AIG1: variants seen among roughly 807,000 people sequenced by gnomAD.
The protein encoded by AIG1 is androgen-induced gene 1 protein.
AIG1 carries 23 observed loss-of-function variants against 31.4 expected under a neutral mutation model. The observed-to-expected ratio is 0.73, with a 90% CI of 0.53 to 1.04. The LOEUF (loss-of-function observed/expected upper bound fraction) is 1.04, where lower values mean the gene tolerates loss of function less well. Among genes scored for constraint, AIG1 ranks in the 50% least tolerant of loss-of-function variants. AIG1 has a pLI of 0.00. For synonymous variants in AIG1, 100 were observed against 110.5 expected (o/e 0.90, Z 0.60); for missense variants, 274 against 295.0 (o/e 0.93, Z 0.52).
chr6:143,200,144 CAAGAT>C (rs963380325), intron 3 of AIG1, among the ~76,000 whole-genome samples: 3 of 152,076 alleles, frequency 2.0e-5, no homozygotes, highest in Non-Finnish European at 4.4e-5. Flanking sequence ...TGGTGCATCT[CAAGAT>C]GAGATGTTCA....
chr6:143,080,272 T>A (rs910751618), intron 1 of AIG1, among the ~76,000 whole-genome samples: 3 of 152,136 alleles, frequency 2.0e-5, no homozygotes, highest in Non-Finnish European at 4.4e-5. Flanking sequence ...GTCATCAACA[T>A]TGGAGCATGG....
intron 2 of AIG1, among the ~76,000 whole-genome samples, chr6:143,155,527 GC>G (rs1785659875): frequency 6.6e-6 from 1 of 152,076 alleles, no homozygotes; most frequent in African/African-American, 2.4e-5. Context: ...GGAACTGGCC[GC>G]CGTGCAGGAA....
intron 3 of AIG1, among the ~76,000 whole-genome samples, chr6:143,183,827 G>C (rs1048739919): frequency 1.3e-5 from 2 of 152,052 alleles, no homozygotes; most frequent in African/African-American, 4.8e-5. Flanking sequence ...TTTAGGGGAG[G>C]GGGTGGTGGA....
intron 4 of AIG1, among the ~76,000 whole-genome samples, chr6:143,304,245 A>G (rs1799072004): frequency 6.6e-6 from 1 of 151,356 alleles, no homozygotes; most frequent in Non-Finnish European, 1.5e-5. Flanking sequence ...TGCCCTGGCC[A>G]GAACTTCCAA....
At chr6:143,085,386 G>A (rs1011919965) in intron 1 of AIG1, among the ~76,000 whole-genome samples, 1 of 152,054 alleles carries the variant, frequency 6.6e-6, no homozygotes, top group Non-Finnish European at 1.5e-5. Flanking sequence ...GATTCGTTAC[G>A]CTCACCGATG....
At chr6:143,130,392 C>T (rs1271396720) in intron 1 of AIG1, among the ~76,000 whole-genome samples, 1 of 152,014 alleles carries the variant, frequency 6.6e-6, no homozygotes, top group African/African-American at 2.4e-5. Flanking sequence ...CTACTGTATG[C>T]TTAGCTTGCT....
At position 143,182,630 on chromosome 6, in the gene AIG1, CATCCTTG is replaced by C. The variant is rs557579181; in HGVS notation, c.399+17450_399+17456del. On this transcript the variant is annotated intron_variant, in intron 3 of 5. Transcript: ENST00000357847. Reference sequence around the variant, plus strand: ...TGCTCCCCCTTCCCATGGCACTAATCATCCTTGATATATAATGTGGTTTTGCTTATAT... The same window carrying C: ...TGCTCCCCCTTCCCATGGCACTAATCATATATAATGTGGTTTTGCTTATAT... 6.0e-3 allele frequency among the ~76,000 whole-genome samples: 915 copies of C among 152,266 alleles called. 9 individuals carry two copies. The highest frequency in any genetic ancestry group is 0.021 in the African/African-American group (875 of 41,546).
At chr6:143,237,467 A>G (rs948237777) in intron 3 of AIG1, among the ~76,000 whole-genome samples, 4 of 152,252 alleles carry the variant, frequency 2.6e-5, no homozygotes, top group African/African-American at 9.6e-5. Flanking sequence ...TATGAAGTCA[A>G]GAAAGATACC....
intron 1 of AIG1, among the ~76,000 whole-genome samples, chr6:143,071,671 A>G (rs7745701): frequency 0.24 from 35,857 of 150,848 alleles, 6,656 homozygotes; most frequent in African/African-American, 0.52. Flanking sequence ...TGGTGGTGGT[A>G]GTGGTGGTTC....
rs1229508602 is a variant in AIG1, at chr6:143,338,002, G to A, written c.680-1637G>A. 2 of 398,540 alleles carry A rather than the reference G, an allele frequency of 5.0e-6. No homozygotes were observed. Among genetic ancestry groups the A allele is most frequent in the Admixed American group, 4.4e-5 (1 of 22,712 alleles). The allele number at this position is 398,540 out of a possible 1,614,324, so 24.7% of individuals were successfully genotyped here. A position where few individuals can be genotyped will look rare whatever the true frequency, so the allele number is the denominator to read the frequency against. On this transcript the variant is annotated intron_variant, in intron 5 of 5. Coordinates refer to ENST00000357847, the MANE Select transcript of AIG1 (RefSeq NM_016108.4). This position sits in a 1 kb window ranked among gnomAD's most constrained non-coding sequence, Gnocchi z 4.3. ...GCTGCCAAACTAAAGTAGGTGGGAA[G>A]CCATTTTCCCTCTCTAGGTCAATGA...
At chr6:143,233,385 G>C (rs911050564) in intron 3 of AIG1, among the ~76,000 whole-genome samples, 1 of 151,986 alleles carries the variant, frequency 6.6e-6, no homozygotes, top group African/African-American at 2.4e-5. Flanking sequence ...GGAAATATTT[G>C]GTGGTTTGAC....
At chr6:143,212,342 A>G (rs1284231615) in intron 3 of AIG1, among the ~76,000 whole-genome samples, 1 of 152,208 alleles carries the variant, frequency 6.6e-6, no homozygotes, top group Non-Finnish European at 1.5e-5. Context: ...AGCTCAGCAG[A>G]TAGCATTTTC....
At chr6:143,091,850 T>A (rs1779334972) in intron 1 of AIG1, among the ~76,000 whole-genome samples, 1 of 152,210 alleles carries the variant, frequency 6.6e-6, no homozygotes, top group Non-Finnish European at 1.5e-5. Context: ...AAATGTACTA[T>A]TGCTTCTCTT....
At chr6:143,150,894 T>C (rs902202952) in intron 2 of AIG1, among the ~76,000 whole-genome samples, 6 of 152,158 alleles carry the variant, frequency 3.9e-5, no homozygotes, top group African/African-American at 1.4e-4. Context: ...TCTTAATTGA[T>C]GAAAAGTGTT....
intron 1 of AIG1, among the ~76,000 whole-genome samples, chr6:143,124,578 T>G (rs1418133625): frequency 6.6e-6 from 1 of 152,186 alleles, no homozygotes; most frequent in Non-Finnish European, 1.5e-5. Context: ...AACACACCTT[T>G]TCCAGTGAGG....
chr6:143,177,007 C>T (rs1274911071), intron 3 of AIG1, among the ~76,000 whole-genome samples: 4 of 152,154 alleles, frequency 2.6e-5, no homozygotes, highest in Non-Finnish European at 4.4e-5. Flanking sequence ...TTTTTTCCCC[C>T]GCATTCTCCC....
rs1778576987 is a variant in AIG1 at position 143,084,408 on chromosome 6, C to T, written c.141+23342C>T. ...AAGCCCTATTAGGCATTTGATTTGC[C>T]CAGCCTTTCCCTGTTCCAGAGCCTC... On this transcript the variant is annotated intron_variant, in intron 1 of 5. Transcript: ENST00000357847. Among the ~76,000 whole-genome samples, 2 of 152,070 alleles carry T rather than the reference C, an allele frequency of 1.3e-5. 1 individual carries two copies. Among genetic ancestry groups the T allele is most frequent in the South Asian group, 4.1e-4 (2 of 4,828 alleles).
At chr6:143,222,643 A>C (rs995949818) in intron 3 of AIG1, among the ~76,000 whole-genome samples, 3 of 152,208 alleles carry the variant, frequency 2.0e-5, no homozygotes, top group African/African-American at 7.2e-5. Context: ...ATTTCTTTAT[A>C]GAAGGACAAT....
chr6:143,219,471 AAAAAC>A (rs536926876), intron 3 of AIG1, among the ~76,000 whole-genome samples: 6 of 152,276 alleles, frequency 3.9e-5, no homozygotes, highest in South Asian at 2.1e-4. Flanking sequence ...TCCTATCTCT[AAAAAC>A]AAAACAAAAC....
Sources: gnomAD v4.1 joint callset for allele counts (sites outside exome capture counted in the v4.1 genomes callset) on GRCh38, gnomAD v4.1.1 for gene constraint, Gnocchi (gnomAD v3.1) non-coding constraint, MANE v1.5 for transcripts, NCBI Gene and HGNC (gene_info 2026-07-23, HGNC 2026-07-21) for gene names.